MATK: variants seen among roughly 807,000 people sequenced by gnomAD.
The protein encoded by MATK is megakaryocyte-associated tyrosine kinase, also known as megakaryocyte-associated tyrosine-protein kinase.
MATK carries 41 observed loss-of-function variants against 59.8 expected under a neutral mutation model. That is an observed-to-expected ratio of 0.69 (90% CI 0.53 to 0.89). The LOEUF (loss-of-function observed/expected upper bound fraction) is 0.89, where lower values mean the gene tolerates loss of function less well. Ranked by LOEUF, MATK falls within the 40% of genes least tolerant of loss-of-function variation. The probability of loss-of-function intolerance (pLI) is 0.00; values close to 1 mark genes in which losing one functional copy is unlikely to be tolerated. For synonymous variants in MATK, 308 were observed against 306.1 expected (o/e 1.01, Z -0.06); for missense variants, 593 against 719.6 (o/e 0.82, Z 2.01).
chr19:3,778,955 C>G, intron 12 of MATK, 37 bp downstream of exon 12: 1 of 1,503,852 alleles, frequency 6.6e-7, no homozygotes, highest in Non-Finnish European at 8.8e-7. Flanking sequence ...GCTGGGGGGA[C>G]CCCAAAGCCC....
At position 3,778,010 on chromosome 19, in the gene MATK, G is replaced by A. The variant is rs907334009; in HGVS notation, c.*173C>T. ...CGTCTTTATCGGGCGATCATCCTTC[G>A]CAGGTCTGGGGTGTCCACGGGCCGC... On this transcript the variant is annotated 3_prime_UTR_variant, in exon 14 of 14. Coordinates refer to ENST00000310132, the MANE Select transcript of MATK (RefSeq NM_139355.3). 45 of 802,162 alleles carry A rather than the reference G, an allele frequency of 5.6e-5. No individual in the cohort carries two copies. In the African/African-American group the frequency reaches 7.9e-4, roughly 14 times the overall value. The allele number at this position is 802,162 out of a possible 1,614,324, so 49.7% of individuals were successfully genotyped here.
intron 1 of MATK, among the ~76,000 whole-genome samples, chr19:3,795,496 G>A (rs534227419): frequency 7.3e-4 from 111 of 151,866 alleles, no homozygotes; most frequent in Non-Finnish European, 1.3e-3. Context: ...TTGAACTCCT[G>A]ACCTTAGATG....
chr19:3,788,572 T>G (rs1480103551), upstream of MATK, among the ~76,000 whole-genome samples: 1 of 133,510 alleles, frequency 7.5e-6, no homozygotes, highest in Admixed American at 8.8e-5. Flanking sequence ...AGAGCCAAGA[T>G]CGCGCCACTG....
At chr19:3,796,726 G>T (rs1048050125) in intron 1 of MATK, among the ~76,000 whole-genome samples, 1 of 152,038 alleles carries the variant, frequency 6.6e-6, no homozygotes, top group Non-Finnish European at 1.5e-5. Context: ...CTGTTTCTTG[G>T]GTGTGGGTCT....
In MATK at chr19:3,796,962, G is replaced by GTC. The variant is rs142558357; in HGVS notation, c.-58+4568_-58+4569dup. 8.6e-5 allele frequency among the ~76,000 whole-genome samples: 13 copies of GTC among 151,620 alleles called. No homozygotes were observed. The East Asian group carries it at 9.7e-4, about 11-fold the overall frequency. ...TTTGCCTGTCCCATGGTTAATTTCT[G>GTC]TCTCTCTCTCTCTCTTTCTGGAAGC... is the stretch of plus-strand genomic sequence containing the variant. On this transcript the variant is annotated intron_variant, in intron 1 of 13. Transcript: ENST00000395045.
intron 1 of MATK, among the ~76,000 whole-genome samples, chr19:3,801,179 C>T (rs1281388315): frequency 6.6e-6 from 1 of 152,180 alleles, no homozygotes; most frequent in Non-Finnish European, 1.5e-5. Context: ...TGGGAGTGAC[C>T]GTTTTCTACC....
Position 3,784,859 on chromosome 19 carries a change from C to T in MATK, c.98G>A (p.Trp33Ter). ...PRVSPRFLRAWHPPPVSARMP... is the reference protein window; with the variant it reads ...PRVSPRFLRA The stretch of plus-strand genomic sequence containing the variant: ...CCTGGCTGAGACGGGAGGGGGGTGC[C>T]AGGCTCGGAGGAAGCGGGGGCTCAC... Residue 33 changes from tryptophan to a stop codon, truncating the protein, a stop_gained, in exon 3 of 14, where the codon TGG (tryptophan) becomes TAG (stop). Transcript: ENST00000310132. LOFTEE classifies it high-confidence loss of function. 1 of 1,550,676 alleles carries T rather than the reference C, an allele frequency of 6.4e-7. No individual in the cohort carries two copies.
intron 8 of MATK, 22 bp from the exon 9 acceptor site, chr19:3,779,819 C>T (rs779020010): frequency 6.2e-6 from 9 of 1,454,010 alleles, no homozygotes; most frequent in South Asian, 4.5e-5. Flanking sequence ...GGGTGGGGAA[C>T]GGGGTGAGAT....
intron 1 of MATK, 56 bp from the exon 2 acceptor site, chr19:3,785,342 AAGAATCTCTGAC>A: frequency 8.2e-7 from 1 of 1,226,096 alleles, no homozygotes; most frequent in Non-Finnish European, 1.1e-6. Flanking sequence ...GGTCATTCCC[AAGAATCTCTGAC>A]CGTGGGGTGG....
intron 1 of MATK, among the ~76,000 whole-genome samples, chr19:3,795,186 C>A (rs572749951): frequency 6.6e-6 from 1 of 151,260 alleles, no homozygotes; most frequent in Non-Finnish European, 1.5e-5. Flanking sequence ...ATCGTGTTAG[C>A]CAGGATGGTC....
intron 6 of MATK, 57 bp downstream of exon 6, chr19:3,783,757 C>CG (rs2037434466): frequency 1.3e-6 from 2 of 1,536,042 alleles, no homozygotes; most frequent in South Asian, 2.4e-5. Context: ...GGGGAGTCTC[C>CG]GGAGTCCCTG....
At chr19:3,800,796 G>C (rs534100671) in intron 1 of MATK, among the ~76,000 whole-genome samples, 4 of 152,178 alleles carry the variant, frequency 2.6e-5, no homozygotes, top group Non-Finnish European at 5.9e-5. Context: ...CAATTCATGA[G>C]TAAAAACATT....
rs1332085242 is a variant in MATK, at chr19:3,779,388, G to T, written c.991C>A (p.Gln331Lys). ...RALVNTAQLL[Q>K]FSLHVAEGME... ...GAGAGTCCCACTTACAGAGAAAACT[G>T]CAGGAGCTGAGCGGTGTTCACGAGG... Residue 331 changes from glutamine (Q) to lysine (K), a missense_variant, in exon 11 of 14, where the codon CAG becomes AAG. Coordinates refer to ENST00000310132, the MANE Select transcript of MATK (RefSeq NM_139355.3). The T allele has an allele frequency of 6.2e-7, 1 of 1,613,258 alleles. No homozygotes were observed. The highest frequency in any genetic ancestry group is 1.1e-5 in the South Asian group (1 of 91,082).
Position 3,786,095 on chromosome 19 carries a change from C to G in MATK, c.-152+74G>C, listed in dbSNP as rs974202369. On this transcript the variant is annotated intron_variant, in intron 1 of 13. Coordinates refer to ENST00000310132, the MANE Select transcript of MATK (RefSeq NM_139355.3). The surrounding 1 kb of genome is among the most constrained non-coding windows in gnomAD (Gnocchi z 4.1). Reference sequence around the variant, plus strand: ...TCCTGCGCACGTCCCGGGCCCACCCCCGCCTAGAGCCCTCGGGGTTTCCCC... The same window carrying G: ...TCCTGCGCACGTCCCGGGCCCACCCGCGCCTAGAGCCCTCGGGGTTTCCCC... 1 of 658,682 alleles carries G rather than the reference C, an allele frequency of 1.5e-6. No homozygotes were observed. The allele number at this position is 658,682 out of a possible 1,614,324, so 40.8% of individuals were successfully genotyped here. A position where few individuals can be genotyped will look rare whatever the true frequency, so the allele number is the denominator to read the frequency against.
At chr19:3,779,665 T>C in intron 9 of MATK, 33 bp downstream of exon 9, 2 of 1,606,278 alleles carry the variant, frequency 1.2e-6, no homozygotes, top group Non-Finnish European at 1.7e-6. Context: ...ACCCCCCCCG[T>C]CCCACGGTCC....
rs201406618 is a variant in MATK at position 3,783,947 on chromosome 19, G to A, written c.449C>T (p.Ala150Val). 9.3e-6 allele frequency: 15 copies of A among 1,612,344 alleles called. No homozygotes were observed. In the Admixed American group the frequency reaches 1.5e-4, roughly 16 times the overall value. Residue 150 changes from alanine (A) to valine (V), a missense_variant, in exon 6 of 14, where the codon GCG becomes GTG. By Grantham distance (64) the Ala-to-Val change is moderately conservative. Transcript: ENST00000310132. ...EDGLFLVRES[A>V]RHPGDYVLCV... ...CAGGACGTAGTCGCCGGGGTGGCGC[G>A]CGGACTCCCGCACCAGGAACAGCCC... is the stretch of plus-strand genomic sequence containing the variant.
At chr19:3,801,368 T>C (rs2037641892) in intron 1 of MATK, among the ~76,000 whole-genome samples, 1 of 152,026 alleles carries the variant, frequency 6.6e-6, no homozygotes, top group Non-Finnish European at 1.5e-5. Context: ...TGACTGTGAC[T>C]GGGCCGGGGG....
chr19:3,796,268 GTCCCAC>G (rs1334873043), intron 1 of MATK, among the ~76,000 whole-genome samples: 1 of 152,126 alleles, frequency 6.6e-6, no homozygotes, highest in Admixed American at 6.5e-5. Context: ...GCAATATAAT[GTCCCAC>G]TCCTCAGGGG....
Position 3,778,041 on chromosome 19 carries a change from G to A in MATK, c.*142C>T, listed in dbSNP as rs2037339322. ...CTGGGGTGTCCACGGGCCGCCCAGAGCCCCCTACGTGGGCCAGCCCCTGCT... is the reference window on the plus strand; with the variant it reads ...CTGGGGTGTCCACGGGCCGCCCAGAACCCCCTACGTGGGCCAGCCCCTGCT... On this transcript the variant is annotated 3_prime_UTR_variant, in exon 14 of 14. Coordinates refer to ENST00000310132, the MANE Select transcript of MATK (RefSeq NM_139355.3). The A allele has an allele frequency of 3.2e-6, 4 of 1,246,364 alleles. No individual in the cohort carries two copies. Among genetic ancestry groups the A allele is most frequent in the Non-Finnish European group, 4.3e-6 (4 of 930,294 alleles). The allele number at this position is 1,246,364 out of a possible 1,614,324, so 77.2% of individuals were successfully genotyped here.
Sources: gnomAD v4.1 joint callset for allele counts (sites outside exome capture counted in the v4.1 genomes callset) on GRCh38, gnomAD v4.1.1 for gene constraint, Gnocchi (gnomAD v3.1) non-coding constraint, MANE v1.5 for transcripts, NCBI Gene and HGNC (gene_info 2026-07-23, HGNC 2026-07-21) for gene names.